DEPDC5: variants seen among roughly 807,000 people sequenced by gnomAD.
DEPDC5 encodes the protein DEP domain containing 5, GATOR1 subcomplex subunit.
Under a neutral mutation model 217.3 loss-of-function variants are expected in DEPDC5, and 73 were observed. The ratio of observed to expected loss-of-function variants is 0.34; its 90% CI spans 0.28 to 0.41. The LOEUF is 0.41. Among genes scored for constraint, DEPDC5 ranks in the 10% least tolerant of loss-of-function variants. DEPDC5 has a pLI of 1.00. For synonymous variants in DEPDC5, 733 were observed against 756.7 expected, an observed-to-expected ratio of 0.97 and a Z score of 0.51; for missense variants, 1,675 against 2,070.1, an observed-to-expected ratio of 0.81 and a Z score of 3.70.
chr22:31,793,069 AAAATAAAT>A (rs376718942), intron 12 of DEPDC5, among the ~76,000 whole-genome samples: 15 of 151,036 alleles, frequency 9.9e-5, no homozygotes, highest in East Asian at 3.9e-4. Flanking sequence ...CCCTGTCTCC[AAAATAAAT>A]AAATAAATAA....
At chr22:31,767,806 G>A (rs911551043) in intron 6 of DEPDC5, among the ~76,000 whole-genome samples, 1 of 151,600 alleles carries the variant, frequency 6.6e-6, no homozygotes, top group South Asian at 2.1e-4. Context: ...GAGTGCAGTG[G>A]TGCGATTTCT....
chr22:31,818,853 A>G (rs577351539), intron 21 of DEPDC5, among the ~76,000 whole-genome samples, 169 bp from the exon 22 acceptor site: 2 of 152,368 alleles, frequency 1.3e-5, no homozygotes, highest in African/African-American at 2.4e-5. Context: ...AAACAAATGC[A>G]AACATATTTC....
At chr22:31,812,907 A>C (rs2088601862) in intron 20 of DEPDC5, among the ~76,000 whole-genome samples, 1 of 150,084 alleles carries the variant, frequency 6.7e-6, no homozygotes, top group Non-Finnish European at 1.5e-5. Flanking sequence ...CGCCTGGCTA[A>C]TTTTGTATTT....
At chr22:31,889,560 TTTTTTTC>T (rs1333761118) in intron 38 of DEPDC5, among the ~76,000 whole-genome samples, 18 of 142,050 alleles carry the variant, frequency 1.3e-4, no homozygotes, top group African/African-American at 2.9e-4. Context: ...TTTTTTTTTT[TTTTTTTC>T]CAGACAGAGT....
chr22:31,885,641 C>T (rs546257318), intron 38 of DEPDC5, among the ~76,000 whole-genome samples: 3 of 149,552 alleles, frequency 2.0e-5, no homozygotes, highest in South Asian at 4.3e-4. Flanking sequence ...AGGAGAATGG[C>T]GTGAACCTGG....
chr22:31,788,385 C>A (rs1392722112), intron 10 of DEPDC5, among the ~76,000 whole-genome samples: 2 of 150,924 alleles, frequency 1.3e-5, no homozygotes, highest in African/African-American at 2.4e-5. Context: ...GCCATCCTCC[C>A]TCCTCAGCCT....
chr22:31,810,972 T>C (rs2088237679), intron 20 of DEPDC5, among the ~76,000 whole-genome samples: 1 of 151,610 alleles, frequency 6.6e-6, no homozygotes, highest in South Asian at 2.1e-4. Context: ...ATGGGGTTTT[T>C]CCATGTTGGT....
intron 31 of DEPDC5, 39 bp from the exon 32 acceptor site, chr22:31,857,406 T>C: frequency 6.5e-7 from 1 of 1,541,052 alleles, no homozygotes; most frequent in African/African-American, 1.4e-5. Flanking sequence ...ACCAGGGAGC[T>C]CTGAGCAAGC....
chr22:31,885,491 C>T (rs1440958709), intron 38 of DEPDC5, among the ~76,000 whole-genome samples: 1 of 151,978 alleles, frequency 6.6e-6, no homozygotes, highest in East Asian at 1.9e-4. Context: ...TTTGGGAGGC[C>T]GAGGCGGGTG....
chr22:31,778,254 G>A, intron 8 of DEPDC5, 86 bp downstream of exon 8: 1 of 1,367,766 alleles, frequency 7.3e-7, no homozygotes, highest in Non-Finnish European at 1.0e-6. Context: ...CAAGGGCGGG[G>A]CAGGACACCA....
At chr22:31,759,364 GTTTTTTTTGT>G (rs1374390169) in intron 3 of DEPDC5, among the ~76,000 whole-genome samples, 1 of 125,448 alleles carries the variant, frequency 8.0e-6, no homozygotes, top group Non-Finnish European at 1.8e-5. Flanking sequence ...CGTTTTTTTT[GTTTTTTTTGT>G]TTTTTTTTGT....
intron 16 of DEPDC5, 95 bp from the exon 17 acceptor site, chr22:31,804,747 A>T (rs943333570): frequency 3.0e-5 from 40 of 1,339,038 alleles, no homozygotes; most frequent in Middle Eastern, 1.9e-4. Context: ...GCCCTAAAAA[A>T]TTTTTTTTAA....
intron 23 of DEPDC5, among the ~76,000 whole-genome samples, 155 bp from the exon 24 acceptor site, chr22:31,822,538 C>CTT (rs1217670861): frequency 2.6e-5 from 4 of 152,116 alleles, no homozygotes; most frequent in African/African-American, 9.7e-5. Context: ...GGCCTGGTGG[C>CTT]TTAAGATAAG....
At position 31,760,643 on chromosome 22, in the gene DEPDC5, C is replaced by T; in HGVS notation, c.147-13C>T. 1.2e-6 allele frequency: 2 copies of T among 1,612,022 alleles called. No individual in the cohort carries two copies. Among genetic ancestry groups the T allele is most frequent in the Non-Finnish European group, 1.7e-6 (2 of 1,179,312 alleles). On this transcript the variant is annotated splice_polypyrimidine_tract_variant and intron_variant, in intron 3 of 42. Transcript: ENST00000651528. ...TCACGGTATCCCAACTCTCTTGTTG[C>T]TTTCTTTTTCAGCCCTCTGCTTTTG...
intron 3 of DEPDC5, among the ~76,000 whole-genome samples, chr22:31,759,447 C>T (rs1304009171): frequency 2.0e-5 from 3 of 150,622 alleles, no homozygotes; most frequent in African/African-American, 7.3e-5. Context: ...GATCTTGGCT[C>T]ACTGCAATCT....
intron 3 of DEPDC5, among the ~76,000 whole-genome samples, chr22:31,758,887 C>T (rs1046976114): frequency 1.7e-4 from 26 of 151,240 alleles, no homozygotes; most frequent in Non-Finnish European, 3.5e-4. Flanking sequence ...AATAATTTTT[C>T]AAAAGTGGTC....
chr22:31,872,408 A>G (rs1311273510), intron 34 of DEPDC5, among the ~76,000 whole-genome samples: 4 of 152,358 alleles, frequency 2.6e-5, no homozygotes, highest in South Asian at 2.1e-4. Context: ...TCAGCATCGT[A>G]TAAACATTCG....
At position 31,822,747 on chromosome 22, in the gene DEPDC5, A is replaced by C. The variant is rs764915165; in HGVS notation, c.2061A>C (p.Gly687=). 1 of 1,614,072 alleles carries C rather than the reference A, an allele frequency of 6.2e-7. No homozygotes were observed. The highest frequency in any genetic ancestry group is 8.5e-7 in the Non-Finnish European group (1 of 1,179,984). The change falls in exon 24 of 43, where the codon GGA becomes GGC. Residue 687 remains glycine, a synonymous_variant. Coordinates refer to ENST00000651528, the MANE Select transcript of DEPDC5 (RefSeq NM_001242896.3). ...GDGMSFLNFS[G]TEELSVGLLS... is the part of the protein sequence containing the mutation. Reference sequence around the variant, plus strand: ...GCATGTCCTTCTTGAACTTCAGTGGAACAGAGGAGCTTTCTGTCGGCCTGC... The same window carrying C: ...GCATGTCCTTCTTGAACTTCAGTGGCACAGAGGAGCTTTCTGTCGGCCTGC...
At chr22:31,884,548 C>T (rs2093259868) in intron 38 of DEPDC5, among the ~76,000 whole-genome samples, 1 of 152,202 alleles carries the variant, frequency 6.6e-6, no homozygotes, top group African/African-American at 2.4e-5. Flanking sequence ...GGCTCTCCTT[C>T]TTCATTTTAA....
Sources: gnomAD v4.1 joint callset for allele counts (sites outside exome capture counted in the v4.1 genomes callset) on GRCh38, gnomAD v4.1.1 for gene constraint, MANE v1.5 for transcripts, NCBI Gene and HGNC (gene_info 2026-07-23, HGNC 2026-07-21) for gene names.